Variants in NUP62 observed in about 807,000 individuals in gnomAD.
The protein encoded by NUP62 is nucleoporin 62.
For missense variants in NUP62, 647 were observed against 689.4 expected (o/e 0.94, Z 0.69); for synonymous variants, 305 against 303.4 (o/e 1.01, Z -0.05).
At position 49,909,350 on chromosome 19, in the gene NUP62, G is replaced by A. The variant is rs1057203459; in HGVS notation, c.458C>T (p.Thr153Ile). 1.2e-6 allele frequency: 2 copies of A among 1,613,940 alleles called. No individual in the cohort carries two copies. The highest frequency in any genetic ancestry group is 1.7e-6 in the Non-Finnish European group (2 of 1,180,010). ...AGTGAATGAGAAGCCTCCAGATGTG[G>A]TAGCTGGAGCCACAGAGGTGGTGGA... ...GPSTTSVAPA[T>I]TSGGFSFTGG... The change falls in exon 3 of 3, where the codon ACC becomes ATC. Residue 153 changes from threonine to isoleucine, a missense_variant. By Grantham distance (89) the Thr-to-Ile change is moderately conservative (BLOSUM62 -1). Coordinates refer to ENST00000352066, the MANE Select transcript of NUP62 (RefSeq NM_016553.5).
intron 2 of NUP62, among the ~76,000 whole-genome samples, chr19:49,918,914 T>A (rs996745666): frequency 9.6e-5 from 3 of 31,398 alleles, no homozygotes; most frequent in Non-Finnish European, 1.3e-4. Context: ...GGGGGCGGGG[T>A]GTGGGGGGGC....
chr19:49,911,460 C>T (rs1044167), intron 2 of NUP62: 45,567 of 152,052 alleles, frequency 0.3, 7,244 homozygotes, highest in East Asian at 0.41. Flanking sequence ...TTCCTCTTCC[C>T]TCTCTCCAGG....
At position 49,909,232 on chromosome 19, in the gene NUP62, C is replaced by A. The variant is rs371666520; in HGVS notation, c.576G>T (p.Pro192=). 1 of 1,613,938 alleles carries A rather than the reference C, an allele frequency of 6.2e-7. No homozygotes were observed. Among genetic ancestry groups the A allele is most frequent in the African/African-American group, 1.3e-5 (1 of 74,884 alleles). ...PTAPATLPFT[P]ATPAATTAGA... is the part of the protein sequence containing the mutation. ...CTGCTGTGGTGGCTGCTGGCGTGGC[C>A]GGAGTGAAGGGCAACGTGGCAGGTG... The change falls in exon 3 of 3, where the codon CCG becomes CCT. Residue 192 remains proline (P), a synonymous_variant. Coordinates refer to ENST00000352066, the MANE Select transcript of NUP62 (RefSeq NM_016553.5).
At chr19:49,917,047 C>T (rs1030764307) in intron 2 of NUP62, among the ~76,000 whole-genome samples, 2 of 152,260 alleles carry the variant, frequency 1.3e-5, no homozygotes, top group African/African-American at 4.8e-5. Flanking sequence ...GAGCTGTCTC[C>T]GTGGGACCTC....
chr19:49,910,175 G>C (rs1406961834), intron 2 of NUP62, among the ~76,000 whole-genome samples: 2 of 152,154 alleles, frequency 1.3e-5, no homozygotes, highest in Admixed American at 1.3e-4. Context: ...ACCCACCTCA[G>C]CCTGAGGAGA....
In NUP62 at chr19:49,908,071, C is replaced by T. The variant is rs2075363141; in HGVS notation, c.*168G>A. The T allele has an allele frequency of 1.4e-6, 2 of 1,409,992 alleles. No homozygotes were observed. The highest frequency in any genetic ancestry group is 1.4e-5 in the African/African-American group (1 of 69,644). The allele number at this position is 1,409,992 out of a possible 1,614,324, so 87.3% of individuals were successfully genotyped here. On this transcript the variant is annotated 3_prime_UTR_variant, in exon 3 of 3. Coordinates refer to ENST00000352066, the MANE Select transcript of NUP62 (RefSeq NM_016553.5). The stretch of plus-strand genomic sequence containing the variant: ...TGCCTGGGCAGAAGGCCCAGAATAC[C>T]CTCCTAAATGGAAAAACGCAAAGCA...
At chr19:49,918,130 AAT>A (rs1264166058) in intron 2 of NUP62, among the ~76,000 whole-genome samples, 2 of 151,758 alleles carry the variant, frequency 1.3e-5, no homozygotes, top group African/African-American at 4.8e-5. Flanking sequence ...GCAGTGGTAT[AAT>A]CACAGCTCAC....
intron 2 of NUP62, among the ~76,000 whole-genome samples, chr19:49,924,652 T>C (rs915496986): frequency 6.6e-6 from 1 of 151,932 alleles, no homozygotes; most frequent in Non-Finnish European, 1.5e-5. Flanking sequence ...CAGGCCTGGG[T>C]CAGGAATGTG....
At position 49,908,542 on chromosome 19, in the gene NUP62, G is replaced by A; in HGVS notation, c.1266C>T (p.Tyr422=). Residue 422 remains tyrosine, a synonymous_variant, in exon 3 of 3, where the codon TAC becomes TAT. Transcript: ENST00000352066. Reference sequence around the variant, plus strand: ...CACGCTCCTCATCCGCGTGCTGCAGGTAGATGGTCCCGCTCTGCTCCTTGA... The same window carrying A: ...CACGCTCCTCATCCGCGTGCTGCAGATAGATGGTCCCGCTCTGCTCCTTGA... The part of the protein sequence containing the change: ...ELVKEQSGTI[Y]LQHADEEREK... 1.2e-6 allele frequency: 2 copies of A among 1,614,140 alleles called. No individual in the cohort carries two copies. The highest frequency in any genetic ancestry group is 1.7e-6 in the Non-Finnish European group (2 of 1,180,044).
chr19:49,919,247 C>G (rs534046627), intron 2 of NUP62, among the ~76,000 whole-genome samples: 2 of 152,322 alleles, frequency 1.3e-5, no homozygotes, highest in East Asian at 3.9e-4. Flanking sequence ...CCTGTCTTCC[C>G]TGAGTCCCAC....
rs147763061 is a variant in NUP62 at position 49,909,595 on chromosome 19, C to G, written c.213G>C (p.Thr71=). 58 of 1,613,924 alleles carry G rather than the reference C, an allele frequency of 3.6e-5. No individual in the cohort carries two copies. The highest frequency in any genetic ancestry group is 4.8e-5 in the Non-Finnish European group (57 of 1,180,024). The change falls in exon 3 of 3, where the codon ACG becomes ACC. Residue 71 remains threonine, a synonymous_variant. Coordinates refer to ENST00000352066, the MANE Select transcript of NUP62 (RefSeq NM_016553.5). ...SLATQTPATQ[T]TGFTFGTATL... ...TCGCTGTTCCAAAAGTGAAGCCTGT[C>G]GTCTGTGTGGCCGGAGTCTGGGTGG... is the stretch of plus-strand genomic sequence containing the variant.
chr19:49,909,300 C>T lies in NUP62; in HGVS notation c.508G>A (p.Gly170Ser), dbSNP rs763261239. 46 of 1,614,054 alleles carry T rather than the reference C, an allele frequency of 2.8e-5. No homozygotes were observed. Among genetic ancestry groups the T allele is most frequent in the East Asian group, 6.7e-5 (3 of 44,878 alleles). Residue 170 changes from glycine (G) to serine (S), a missense_variant, in exon 3 of 3, where the codon GGT (glycine) becomes AGT (serine). Coordinates refer to ENST00000352066, the MANE Select transcript of NUP62 (RefSeq NM_016553.5). Reference protein sequence around the residue: ...FTGGSTAQPSGFNIGSAGNSA... With the variant: ...FTGGSTAQPSSFNIGSAGNSA... ...TTCCCTGCTGAGCCAATGTTGAAAC[C>T]GGAGGGTTGGGCCGTGCTTCCACCA...
intron 2 of NUP62, among the ~76,000 whole-genome samples, chr19:49,914,858 G>GC (rs1213157551): frequency 6.9e-6 from 1 of 145,352 alleles, no homozygotes; most frequent in Non-Finnish European, 1.5e-5. Flanking sequence ...TCCCACCTCA[G>GC]CCTCCCGAGT....
chr19:49,914,926 G>C (rs896037718), intron 2 of NUP62, among the ~76,000 whole-genome samples: 6 of 151,562 alleles, frequency 4.0e-5, no homozygotes, highest in Admixed American at 4.0e-4. Flanking sequence ...TTTTAGTAGA[G>C]ACGGGGTTTC....
At chr19:49,925,122 G>C (rs2075855418) in intron 2 of NUP62, among the ~76,000 whole-genome samples, 1 of 152,022 alleles carries the variant, frequency 6.6e-6, no homozygotes, top group South Asian at 2.1e-4. Context: ...TTAGCCATGT[G>C]TGGTGACACA....
rs2122589148 is a variant in NUP62 at position 49,908,222 on chromosome 19, C to T, written c.*17G>A. ...ATGAACTCCCTAGGGACCTGCGGGC[C>T]CCAGGGCTGCTGTCGCTCAGTCAAA... On this transcript the variant is annotated 3_prime_UTR_variant, in exon 3 of 3. Coordinates refer to ENST00000352066, the MANE Select transcript of NUP62 (RefSeq NM_016553.5). 1 of 1,611,652 alleles carries T rather than the reference C, an allele frequency of 6.2e-7. No homozygotes were observed. Among genetic ancestry groups the T allele is most frequent in the Non-Finnish European group, 8.5e-7 (1 of 1,179,900 alleles).
At chr19:49,914,731 T>TG (rs2075578023) in intron 2 of NUP62, among the ~76,000 whole-genome samples, 1 of 88,202 alleles carries the variant, frequency 1.1e-5, no homozygotes, top group Admixed American at 1.3e-4. Context: ...TCCCAGTTTT[T>TG]TTTTTTTTTT....
At chr19:49,913,868 C>G (rs1208565611) in intron 2 of NUP62, among the ~76,000 whole-genome samples, 2 of 152,104 alleles carry the variant, frequency 1.3e-5, no homozygotes, top group African/African-American at 2.4e-5. Context: ...ATTGAGGGAG[C>G]CACAGGCGGA....
In NUP62 at chr19:49,909,780, C is replaced by T; in HGVS notation, c.28G>A (p.Gly10Arg). MSGFNFGGT[G>R]APTGGFTFGT... is the part of the protein sequence containing the mutation. Reference sequence around the variant, plus strand: ...AACGTGAACCCGCCTGTAGGGGCCCCAGTGCCTCCAAAATTAAACCCGCTC... The same window carrying T: ...AACGTGAACCCGCCTGTAGGGGCCCTAGTGCCTCCAAAATTAAACCCGCTC... The change falls in exon 3 of 3, where the codon GGG (glycine) becomes AGG (arginine). Residue 10 changes from glycine to arginine, a missense_variant. Physicochemically the swap from Gly to Arg is moderately radical, Grantham distance 125 (BLOSUM62 -2). Transcript: ENST00000352066. 6.2e-7 allele frequency: 1 copy of T among 1,614,160 alleles called. No individual in the cohort carries two copies. The highest frequency in any genetic ancestry group is 8.5e-7 in the Non-Finnish European group (1 of 1,180,032).
Sources: gnomAD v4.1 joint callset for allele counts (sites outside exome capture counted in the v4.1 genomes callset) on GRCh38, gnomAD v4.1.1 for gene constraint, MANE v1.5 for transcripts, NCBI Gene and HGNC (gene_info 2026-07-23, HGNC 2026-07-21) for gene names.